Variants in BAD observed in about 807,000 individuals in gnomAD.
BAD encodes bcl2-associated agonist of cell death.
Under a neutral mutation model 17.8 loss-of-function variants are expected in BAD, and 18 were observed. That is an observed-to-expected ratio of 1.01 (90% CI 0.70 to 1.50). The LOEUF is 1.50. Ranked by LOEUF, BAD falls within the 40% of genes most tolerant of loss-of-function variation. The pLI, the probability that BAD is intolerant of heterozygous loss-of-function variation, is 0.00. For missense variants in BAD, 294 were observed against 239.3 expected, an observed-to-expected ratio of 1.23 and a Z score of -1.51; for synonymous variants, 112 against 91.5, an observed-to-expected ratio of 1.22 and a Z score of -1.28.
At chr11:64,277,308 G>A (rs2033142141) in intron 2 of BAD, among the ~76,000 whole-genome samples, 1 of 152,188 alleles carries the variant, frequency 6.6e-6, no homozygotes, top group African/African-American at 2.4e-5. Flanking sequence ...TCCGCCTCCG[G>A]CACCTGTAGG....
At chr11:64,276,115 C>T (rs1175299230) in intron 2 of BAD, among the ~76,000 whole-genome samples, 2 of 152,076 alleles carry the variant, frequency 1.3e-5, no homozygotes, top group Non-Finnish European at 1.5e-5. Flanking sequence ...GGGGAAGGCC[C>T]CTTTGGGCCT....
Position 64,270,136 on chromosome 11 carries a change from T to C in BAD, c.*73A>G. ...TCTTTTTGCATAGGCCTGAGGGAAG[T>C]ACTTCCGCCCATATTCAAGATGGCT... On this transcript the variant is annotated 3_prime_UTR_variant, in exon 4 of 4. Transcript: ENST00000309032. 6.2e-7 allele frequency: 1 copy of C among 1,608,476 alleles called. No homozygotes were observed. The highest frequency in any genetic ancestry group is 1.1e-5 in the South Asian group (1 of 90,644).
Position 64,269,914 on chromosome 11 carries a change from A to G in BAD, c.*295T>C, listed in dbSNP as rs1245739912. On this transcript the variant is annotated 3_prime_UTR_variant, in exon 4 of 4. Coordinates refer to ENST00000309032, the MANE Select transcript of BAD (RefSeq NM_032989.3). ...CGGGGGCTCGGGTCCCGGTGACGCA[A>G]CGGTTAAACCTGGCTCGCGACTTAG... 1.4e-6 allele frequency: 1 copy of G among 704,020 alleles called. No homozygotes were observed. The highest frequency in any genetic ancestry group is 2.6e-6 in the Non-Finnish European group (1 of 388,794). 43.6% of individuals were successfully genotyped at this position (704,020 alleles called of 1,614,324 possible). A position where few individuals can be genotyped will look rare whatever the true frequency, so the allele number is the denominator to read the frequency against.
intron 3 of BAD, chr11:64,270,716 G>A (rs1315966354): frequency 8.1e-6 from 4 of 495,184 alleles, no homozygotes; most frequent in Non-Finnish European, 1.6e-5. Flanking sequence ...GATCCTTTGA[G>A]GCCAGGAGTT....
At chr11:64,279,736 C>G (rs2033309277) in intron 2 of BAD, among the ~76,000 whole-genome samples, 1 of 144,090 alleles carries the variant, frequency 6.9e-6, no homozygotes. Context: ...GCACTCCAGC[C>G]TGGGTGACAG....
In BAD at chr11:64,270,301, T is replaced by C. The variant is rs1246754346; in HGVS notation, c.415A>G (p.Thr139Ala). 7.0e-6 allele frequency: 11 copies of C among 1,578,400 alleles called. No individual in the cohort carries two copies. Among genetic ancestry groups the C allele is most frequent in the Non-Finnish European group, 9.5e-6 (11 of 1,156,474 alleles). The change falls in exon 4 of 4, where the codon ACG becomes GCG. Residue 139 changes from threonine to alanine, a missense_variant. Transcript: ENST00000309032. Reference protein sequence around the residue: ...LPRPKSAGTATQMRQSSSWTR... With the variant: ...LPRPKSAGTAAQMRQSSSWTR... ...CAGCTGGAGCTTTGCCGCATCTGCGTTGCTGTGCCCGCGCTCTTCGGGCGA... is the reference window on the plus strand; with the variant it reads ...CAGCTGGAGCTTTGCCGCATCTGCGCTGCTGTGCCCGCGCTCTTCGGGCGA...
Position 64,274,992 on chromosome 11 carries a change from C to CAAAAAAAAAAAAAAA in BAD, c.188-3204_188-3190dup, listed in dbSNP as rs34418386. On this transcript the variant is annotated intron_variant, in intron 2 of 3. Transcript: ENST00000309032. Reference sequence around the variant, plus strand: ...TGGGAGACAGAGTGAGACTTTGTCTCAAAAAAAAAAAAAAAAAAAAAAAGC... The same window carrying CAAAAAAAAAAAAAAA: ...TGGGAGACAGAGTGAGACTTTGTCTCAAAAAAAAAAAAAAAAAAAAAAAAAAAAAAAAAAAAAAGC... Among the ~76,000 whole-genome samples, 5 of 54,398 alleles carry CAAAAAAAAAAAAAAA rather than the reference C, an allele frequency of 9.2e-5. 2 individuals are homozygous for CAAAAAAAAAAAAAAA. Among genetic ancestry groups the CAAAAAAAAAAAAAAA allele is most frequent in the African/African-American group, 4.6e-4 (5 of 10,844 alleles). The allele number at this position is 54,398 out of a possible 152,430, so 35.7% of individuals were successfully genotyped here. A position where few individuals can be genotyped will look rare whatever the true frequency, so the allele number is the denominator to read the frequency against.
chr11:64,283,577 G>A (rs2033627555), intron 2 of BAD, among the ~76,000 whole-genome samples: 1 of 152,228 alleles, frequency 6.6e-6, no homozygotes, highest in African/African-American at 2.4e-5. Context: ...CCTGCTGTGG[G>A]TACGAGCCAC....
At chr11:64,277,661 ACTC>A (rs1383294925) in intron 2 of BAD, among the ~76,000 whole-genome samples, 1 of 151,934 alleles carries the variant, frequency 6.6e-6, no homozygotes, top group African/African-American at 2.4e-5. Flanking sequence ...CTGGTCTCGA[ACTC>A]CTGAGCTCAA....
intron 2 of BAD, among the ~76,000 whole-genome samples, chr11:64,276,072 G>A (rs941499754): frequency 4.6e-5 from 7 of 152,140 alleles, no homozygotes; most frequent in Non-Finnish European, 5.9e-5. Flanking sequence ...GCTCCTTCCA[G>A]CTGTACCTTG....
chr11:64,281,666 G>A (rs2033479895), intron 2 of BAD, among the ~76,000 whole-genome samples: 1 of 152,188 alleles, frequency 6.6e-6, no homozygotes. Flanking sequence ...TTCTCACCAA[G>A]GTGAGTGCTG....
chr11:64,270,756 C>A (rs1398000728), intron 3 of BAD: 1 of 459,228 alleles, frequency 2.2e-6, no homozygotes, highest in African/African-American at 2.0e-5. Flanking sequence ...GATCGCACCA[C>A]TGCACTCCAG....
intron 2 of BAD, among the ~76,000 whole-genome samples, chr11:64,278,736 A>G (rs932034955): frequency 2.6e-5 from 4 of 152,194 alleles, no homozygotes; most frequent in African/African-American, 9.7e-5. Flanking sequence ...GTGGGCTGTC[A>G]CAGCACAAGG....
chr11:64,272,803 GCT>G (rs781466468), intron 2 of BAD: 2 of 152,274 alleles, frequency 1.3e-5, no homozygotes, highest in African/African-American at 2.4e-5. Flanking sequence ...GATCAGCGGA[GCT>G]CTGTGTCTCT....
intron 2 of BAD, among the ~76,000 whole-genome samples, chr11:64,279,790 C>T (rs79429697): frequency 6.6e-6 from 1 of 151,136 alleles, no homozygotes; most frequent in African/African-American, 2.4e-5. Context: ...AAAAATCCCC[C>T]TCTATCCCAC....
chr11:64,270,057 G>T lies in BAD; in HGVS notation c.*152C>A. 2 of 1,358,304 alleles carry T rather than the reference G, an allele frequency of 1.5e-6. No individual in the cohort carries two copies. The highest frequency in any genetic ancestry group is 2.0e-6 in the Non-Finnish European group (2 of 985,952). The allele number at this position is 1,358,304 out of a possible 1,614,324, so 84.1% of individuals were successfully genotyped here. A position where few individuals can be genotyped will look rare whatever the true frequency, so the allele number is the denominator to read the frequency against. On this transcript the variant is annotated 3_prime_UTR_variant, in exon 4 of 4. Coordinates refer to ENST00000309032, the MANE Select transcript of BAD (RefSeq NM_032989.3). ...GACCAAGCCTTCCGTGGCTTCACAC[G>T]CACCGGAAGGGAATCTGGGTCAGCC...
chr11:64,279,877 TG>T (rs2033324096), intron 2 of BAD, among the ~76,000 whole-genome samples: 1 of 151,356 alleles, frequency 6.6e-6, no homozygotes, highest in Non-Finnish European at 1.5e-5. Context: ...TCCTACCGGG[TG>T]CTCAAGCCAG....
chr11:64,284,634 A>T lies in BAD; in HGVS notation c.-12T>A, dbSNP rs989225711. 15 of 1,527,900 alleles carry T rather than the reference A, an allele frequency of 9.8e-6. No homozygotes were observed. The highest frequency in any genetic ancestry group is 1.4e-5 in the African/African-American group (1 of 72,570). The allele number at this position is 1,527,900 out of a possible 1,614,324, so 94.6% of individuals were successfully genotyped here. A position where few individuals can be genotyped will look rare whatever the true frequency, so the allele number is the denominator to read the frequency against. On this transcript the variant is annotated 5_prime_UTR_variant, in exon 1 of 4. Coordinates refer to ENST00000309032, the MANE Select transcript of BAD (RefSeq NM_032989.3). ...GGTGACGGCGCACAGGTCTCACCCC[A>T]AGCCCGATCTCGAGGCCCCTGACCC... is the stretch of plus-strand genomic sequence containing the variant.
At chr11:64,283,134 G>A (rs938582245) in intron 2 of BAD, among the ~76,000 whole-genome samples, 9 of 152,196 alleles carry the variant, frequency 5.9e-5, no homozygotes, top group Non-Finnish European at 8.8e-5. Flanking sequence ...GTGTTTATCC[G>A]TAAGAGAGCG....
Sources: gnomAD v4.1 joint callset for allele counts (sites outside exome capture counted in the v4.1 genomes callset) on GRCh38, gnomAD v4.1.1 for gene constraint, MANE v1.5 for transcripts, NCBI Gene and HGNC (gene_info 2026-07-23, HGNC 2026-07-21) for gene names.